CD63: variants seen among roughly 807,000 people sequenced by gnomAD.
The protein encoded by CD63 is CD63 molecule.
A neutral mutation model predicts 29.2 loss-of-function variants in CD63; 16 were observed. That is an observed-to-expected ratio of 0.55 (90% CI 0.37 to 0.83). The LOEUF (loss-of-function observed/expected upper bound fraction) is 0.83, where lower values mean the gene tolerates loss of function less well. Ranked by LOEUF, CD63 falls within the 40% of genes least tolerant of loss-of-function variation. The pLI, the probability that CD63 is intolerant of heterozygous loss-of-function variation, is 0.00. For missense variants in CD63, 251 were observed against 297.3 expected, an observed-to-expected ratio of 0.84 and a Z score of 1.15; for synonymous variants, 118 against 111.7, an observed-to-expected ratio of 1.06 and a Z score of -0.36.
Position 55,728,531 on chromosome 12 carries a change from G to C in CD63, c.-11-179C>G. 1 of 1,440,156 alleles carries C rather than the reference G, an allele frequency of 6.9e-7. No individual in the cohort carries two copies. The highest frequency in any genetic ancestry group is 9.1e-7 in the Non-Finnish European group (1 of 1,102,534). The allele number at this position is 1,440,156 out of a possible 1,614,324, so 89.2% of individuals were successfully genotyped here. A position where few individuals can be genotyped will look rare whatever the true frequency, so the allele number is the denominator to read the frequency against. On this transcript the variant is annotated intron_variant, in intron 1 of 7. Coordinates refer to ENST00000257857, the MANE Select transcript of CD63 (RefSeq NM_001780.6). The surrounding 1 kb of genome is among the most constrained non-coding windows in gnomAD (Gnocchi z 4.8). ...CCCTCTTTACCCGCAGGAGAGGGGT[G>C]GGGGCGACGGCCGCGAAGCCCGGAC...
chr12:55,724,338 G>C (rs1301896762), downstream of CD63: 4 of 1,614,078 alleles, frequency 2.5e-6, no homozygotes, highest in South Asian at 2.2e-5. Context: ...AAATGCAACA[G>C]CGCATCATGA....
chr12:55,724,089 C>A, downstream of CD63: 1 of 1,594,908 alleles, frequency 6.3e-7, no homozygotes. Flanking sequence ...TGAAGGGAAA[C>A]AAGTACCAGA....
Position 55,728,508 on chromosome 12 carries a change from C to G in CD63, c.-11-156G>C. ...GGTCGGATCCACGTCTCCCAGCCCCCTCTTTACCCGCAGGAGAGGGGTGGG... is the reference window on the plus strand; with the variant it reads ...GGTCGGATCCACGTCTCCCAGCCCCGTCTTTACCCGCAGGAGAGGGGTGGG... On this transcript the variant is annotated intron_variant, in intron 1 of 7. Transcript: ENST00000257857. The surrounding 1 kb of genome is among the most constrained non-coding windows in gnomAD (Gnocchi z 4.8). 2.1e-6 allele frequency: 3 copies of G among 1,461,782 alleles called. No homozygotes were observed. The highest frequency in any genetic ancestry group is 2.7e-6 in the Non-Finnish European group (3 of 1,111,702). The allele number at this position is 1,461,782 out of a possible 1,614,324, so 90.6% of individuals were successfully genotyped here. A position where few individuals can be genotyped will look rare whatever the true frequency, so the allele number is the denominator to read the frequency against.
Position 55,728,233 on chromosome 12 carries a change from C to T in CD63, c.66+43G>A, listed in dbSNP as rs779922721. On this transcript the variant is annotated intron_variant, in intron 2 of 7. Transcript: ENST00000257857. The surrounding 1 kb of genome is among the most constrained non-coding windows in gnomAD (Gnocchi z 4.8). ...CTCACCACTGTGGAGCCAGGTCTCC[C>T]CGCACCCTGCCGGCGCGCCCCCCAG... The T allele has an allele frequency of 6.5e-7, 1 of 1,550,146 alleles. No homozygotes were observed. The highest frequency in any genetic ancestry group is 8.8e-7 in the Non-Finnish European group (1 of 1,132,530).
rs964743550 is a variant in CD63, at chr12:55,728,138, C to T, written c.66+138G>A. On this transcript the variant is annotated intron_variant, in intron 2 of 7. Transcript: ENST00000257857. The surrounding 1 kb of genome is among the most constrained non-coding windows in gnomAD (Gnocchi z 4.8). Reference sequence around the variant, plus strand: ...CCAGGAAAACTGGAGGAGGGAGTGGCTGCGCTGTCTTTCCCTGGCTTTCTT... The same window carrying T: ...CCAGGAAAACTGGAGGAGGGAGTGGTTGCGCTGTCTTTCCCTGGCTTTCTT... 9.3e-6 allele frequency: 8 copies of T among 863,436 alleles called. No homozygotes were observed. The highest frequency in any genetic ancestry group is 6.7e-5 in the African/African-American group (4 of 59,558). 53.5% of individuals were successfully genotyped at this position (863,436 alleles called of 1,614,324 possible).
rs1592534114 is a variant in CD63 at position 55,728,441 on chromosome 12, T to C, written c.-11-89A>G. 6.5e-7 allele frequency: 1 copy of C among 1,530,368 alleles called. No individual in the cohort carries two copies. The highest frequency in any genetic ancestry group is 2.4e-5 in the East Asian group (1 of 40,922). The allele number at this position is 1,530,368 out of a possible 1,614,324, so 94.8% of individuals were successfully genotyped here. The stretch of plus-strand genomic sequence containing the variant: ...CCCGGCCGGCCCTCGAGGGCTTCCC[T>C]TCACGGCCCCGATTCCCGGCCCCTC... On this transcript the variant is annotated intron_variant, in intron 1 of 7. Transcript: ENST00000257857. The surrounding 1 kb of genome is among the most constrained non-coding windows in gnomAD (Gnocchi z 4.8).
rs1297738877 is a variant in CD63 at position 55,725,419 on chromosome 12, TAAGGA to T, written c.*137_*141del. Reference sequence around the variant, plus strand: ...GGTCCCAGAGGACAGGGAACATCAGTAAGGAAAGGAAGGAATCAAGCATCACTCTA... The same window carrying T: ...GGTCCCAGAGGACAGGGAACATCAGTAAGGAAGGAATCAAGCATCACTCTA... On this transcript the variant is annotated 3_prime_UTR_variant, in exon 8 of 8. Transcript: ENST00000257857. 4.1e-6 allele frequency: 3 copies of T among 726,910 alleles called. No individual in the cohort carries two copies. Among genetic ancestry groups the T allele is most frequent in the African/African-American group, 1.8e-5 (1 of 56,880 alleles). The allele number at this position is 726,910 out of a possible 1,614,324, so 45.0% of individuals were successfully genotyped here. A position where few individuals can be genotyped will look rare whatever the true frequency, so the allele number is the denominator to read the frequency against.
Position 55,727,019 on chromosome 12 carries a change from G to A in CD63, c.256-55C>T, listed in dbSNP as rs531047095. ...TGGAGTCTATGCATTACAGGGGCCC[G>A]TTTTGGCACAGCCGGTCCCTGGACA... On this transcript the variant is annotated intron_variant, in intron 3 of 7. Coordinates refer to ENST00000257857, the MANE Select transcript of CD63 (RefSeq NM_001780.6). 13 of 1,586,470 alleles carry A rather than the reference G, an allele frequency of 8.2e-6. No individual in the cohort carries two copies. In the South Asian group the frequency reaches 1.2e-4, roughly 15 times the overall value.
rs1194111869 is a variant in CD63 at position 55,728,840 on chromosome 12, G to A, written c.-12+113C>T. 7.1e-6 allele frequency: 7 copies of A among 990,526 alleles called. No individual in the cohort carries two copies. In the African/African-American group the frequency reaches 1.2e-4, roughly 17 times the overall value. 61.4% of individuals were successfully genotyped at this position (990,526 alleles called of 1,614,324 possible). On this transcript the variant is annotated intron_variant, in intron 1 of 7. Transcript: ENST00000257857. This position sits in a 1 kb window ranked among gnomAD's most constrained non-coding sequence, Gnocchi z 4.8. ...CTTCGAAGCAAAGTTGCTCCAGGGC[G>A]GCTGGAGAGCGCCGGACGAGTCTCC... is the stretch of plus-strand genomic sequence containing the variant.
At chr12:55,727,006 A>G (rs911416050) in intron 3 of CD63, 42 bp from the exon 4 acceptor site, 1 of 1,601,336 alleles carries the variant, frequency 6.2e-7, no homozygotes, top group South Asian at 1.1e-5. Context: ...GAGTCTATGC[A>G]TTACAGGGGC....
In CD63 at chr12:55,727,266, G is replaced by GCC. The variant is rs1877512701; in HGVS notation, c.138_139dup (p.Ala47GlyfsTer38). 1.2e-6 allele frequency: 2 copies of GCC among 1,613,542 alleles called. No individual in the cohort carries two copies. Among genetic ancestry groups the GCC allele is most frequent in the African/African-American group, 1.3e-5 (1 of 74,906 alleles). On this transcript the variant is annotated frameshift_variant, in exon 3 of 8. Coordinates refer to ENST00000257857, the MANE Select transcript of CD63 (RefSeq NM_001780.6). LOFTEE classifies it high-confidence loss of function. The stretch of plus-strand genomic sequence containing the variant: ...CACTGGCAACAGAGAGCCAGGGGTA[G>GCC]CCCCCTGGATTATGGTCTGACTCAG...
chr12:55,729,169 C>A, upstream of CD63: 1 of 981,692 alleles, frequency 1.0e-6, no homozygotes, highest in Non-Finnish European at 1.2e-6. Context: ...GCCGAGCCCC[C>A]CGCCCGGCCA....
In CD63 at chr12:55,725,816, G is replaced by C; in HGVS notation, c.648C>G (p.Val216=). The change falls in exon 7 of 8, where the codon GTC becomes GTG. Residue 216 remains valine (V), a synonymous_variant. Coordinates refer to ENST00000257857, the MANE Select transcript of CD63 (RefSeq NM_001780.6). Reference sequence around the variant, plus strand: ...CCTGCTCAGGGTTATCTCTTACCTCGACAAAAGCAATTCCAAGGGCTGCTG... The same window carrying C: ...CCTGCTCAGGGTTATCTCTTACCTCCACAAAAGCAATTCCAAGGGCTGCTG... ...VAAAALGIAF[V]EVLGIVFACC... is the part of the protein sequence containing the mutation. 1.9e-6 allele frequency: 3 copies of C among 1,613,722 alleles called. No homozygotes were observed. Among genetic ancestry groups the C allele is most frequent in the Non-Finnish European group, 2.5e-6 (3 of 1,179,812 alleles).
At position 55,725,798 on chromosome 12, in the gene CD63, A is replaced by C. The variant is rs1252417721; in HGVS notation, c.651+15T>G. 1.2e-6 allele frequency: 2 copies of C among 1,612,440 alleles called. No homozygotes were observed. Among genetic ancestry groups the C allele is most frequent in the Non-Finnish European group, 1.7e-6 (2 of 1,178,546 alleles). ...CTGGACAGAGTCCCAGCCCCTGCTC[A>C]GGGTTATCTCTTACCTCGACAAAAG... On this transcript the variant is annotated intron_variant, in intron 7 of 7. Transcript: ENST00000257857.
At chr12:55,729,081 C>G (rs370497261), upstream of CD63, 19 of 985,330 alleles carry the variant, frequency 1.9e-5, no homozygotes, top group East Asian at 6.8e-4. Context: ...GTCCCCTCCC[C>G]CGCCGAGTGG....
downstream of CD63, chr12:55,724,388 G>T: frequency 6.2e-7 from 1 of 1,614,220 alleles, no homozygotes; most frequent in Non-Finnish European, 8.5e-7. Context: ...GTGAGCCGAT[G>T]CCTGGAGCAT....
At chr12:55,724,574 T>A (rs769883400), downstream of CD63, 1 of 1,595,998 alleles carries the variant, frequency 6.3e-7, no homozygotes, top group African/African-American at 1.3e-5. Context: ...AGATTGTTTT[T>A]CAAGGACAAG....
downstream of CD63, chr12:55,723,567 A>T: frequency 3.1e-6 from 1 of 327,502 alleles, no homozygotes; most frequent in Non-Finnish European, 5.8e-6. Context: ...TTATTTTTAA[A>T]TGGTTACATT....
At chr12:55,724,632 C>A, downstream of CD63, 2 of 1,199,120 alleles carry the variant, frequency 1.7e-6, no homozygotes, top group Non-Finnish European at 2.4e-6. Flanking sequence ...TGGTGCCTGC[C>A]ACAAAATAAG....
Sources: gnomAD v4.1 joint callset for allele counts on GRCh38, gnomAD v4.1.1 for gene constraint, Gnocchi (gnomAD v3.1) non-coding constraint, MANE v1.5 for transcripts, NCBI Gene and HGNC (gene_info 2026-07-23, HGNC 2026-07-21) for gene names.